The following NUP153 variants were observed in gnomAD, a reference collection of about 807,000 sequenced individuals.
NUP153 encodes the protein nucleoporin 153.
Under a neutral mutation model 134.6 loss-of-function variants are expected in NUP153, and 27 were observed. That is an observed-to-expected ratio of 0.20 (90% CI 0.15 to 0.28). NUP153 has a LOEUF of 0.28. NUP153 is among the 10% of genes least tolerant of loss of function. The pLI, the probability that NUP153 is intolerant of heterozygous loss-of-function variation, is 1.00. For synonymous variants in NUP153, 640 were observed against 623.5 expected (o/e 1.03, Z -0.40); for missense variants, 1,821 against 1,731.3 (o/e 1.05, Z -0.92).
At position 17,693,182 on chromosome 6, in the gene NUP153, C is replaced by T. The variant is rs1769385996; in HGVS notation, c.112-4564G>A. Among the ~76,000 whole-genome samples the T allele has an allele frequency of 8.8e-5, 3 of 34,014 alleles. No homozygotes were observed. The Admixed American group carries it at 1.4e-3, about 16-fold the overall frequency. 22.3% of individuals were successfully genotyped at this position (34,014 alleles called of 152,430 possible). Reference sequence around the variant, plus strand: ...ACTTTTCTTAAAATTTAGCTTTTTCCTACACACACACACACACACACACAC... The same window carrying T: ...ACTTTTCTTAAAATTTAGCTTTTTCTTACACACACACACACACACACACAC... On this transcript the variant is annotated intron_variant, in intron 1 of 21. Coordinates refer to ENST00000262077, the MANE Select transcript of NUP153 (RefSeq NM_005124.4).
chr6:17,635,178 C>T (rs1295612288), intron 16 of NUP153, among the ~76,000 whole-genome samples: 2 of 139,960 alleles, frequency 1.4e-5, no homozygotes, highest in Admixed American at 8.0e-5. Context: ...GGCATGATCT[C>T]GGCTCACTGC....
chr6:17,654,559 A>T (rs181298687), intron 11 of NUP153, among the ~76,000 whole-genome samples: 1 of 152,042 alleles, frequency 6.6e-6, no homozygotes, highest in African/African-American at 2.4e-5. Flanking sequence ...TGACCTCGTG[A>T]TCCGCCCACC....
intron 17 of NUP153, among the ~76,000 whole-genome samples, chr6:17,630,855 C>T (rs927665189): frequency 6.6e-6 from 1 of 151,842 alleles, no homozygotes; most frequent in Non-Finnish European, 1.5e-5. Context: ...CTGACAAGAT[C>T]AAAGTCTTGG....
At chr6:17,637,010 A>AT in intron 16 of NUP153, 143 bp downstream of exon 16, 1 of 811,334 alleles carries the variant, frequency 1.2e-6, no homozygotes. Context: ...CAAACAAGAC[A>AT]TTTTTACCTC....
rs879588363 is a variant in NUP153, at chr6:17,675,828, A to G, written c.335-58T>C. On this transcript the variant is annotated intron_variant, in intron 2 of 21. Coordinates refer to ENST00000262077, the MANE Select transcript of NUP153 (RefSeq NM_005124.4). The surrounding 1 kb of genome is among the most constrained non-coding windows in gnomAD (Gnocchi z 4.4). ...CAACTTAGAGCGATACACTACCACA[A>G]ATGGTTTTTACTTTAAGAAAACACA... The G allele has an allele frequency of 1.3e-6, 2 of 1,533,902 alleles. No individual in the cohort carries two copies. The highest frequency in any genetic ancestry group is 9.0e-7 in the Non-Finnish European group (1 of 1,109,174).
At chr6:17,645,617 T>C (rs1766123797) in intron 14 of NUP153, among the ~76,000 whole-genome samples, 1 of 152,076 alleles carries the variant, frequency 6.6e-6, no homozygotes, top group Non-Finnish European at 1.5e-5. Flanking sequence ...ATGATGCTGA[T>C]TTCTTCGGTT....
chr6:17,654,972 C>T (rs1766726230), intron 11 of NUP153, among the ~76,000 whole-genome samples: 1 of 152,110 alleles, frequency 6.6e-6, no homozygotes, highest in Non-Finnish European at 1.5e-5. Flanking sequence ...TGAGGAGGTA[C>T]ACAAGAGGTT....
chr6:17,667,726 G>GA (rs959474913), intron 8 of NUP153, among the ~76,000 whole-genome samples: 6 of 151,340 alleles, frequency 4.0e-5, no homozygotes, highest in African/African-American at 1.5e-4. Flanking sequence ...AAAAAGAAAA[G>GA]AAAAAAAAGA....
In NUP153 at chr6:17,615,921, A is replaced by C; in HGVS notation, c.*176T>G. Reference sequence around the variant, plus strand: ...GTCTAGCTATTTATTTATTTAAAAAAGGGTGGGTGAGGCAGGGTGGGGCTT... The same window carrying C: ...GTCTAGCTATTTATTTATTTAAAAACGGGTGGGTGAGGCAGGGTGGGGCTT... On this transcript the variant is annotated 3_prime_UTR_variant, in exon 22 of 22. Coordinates refer to ENST00000262077, the MANE Select transcript of NUP153 (RefSeq NM_005124.4). The surrounding 1 kb of genome is among the most constrained non-coding windows in gnomAD (Gnocchi z 5.7). 1 of 508,816 alleles carries C rather than the reference A, an allele frequency of 2.0e-6. No individual in the cohort carries two copies. Among genetic ancestry groups the C allele is most frequent in the Non-Finnish European group, 3.5e-6 (1 of 289,728 alleles). The allele number at this position is 508,816 out of a possible 1,614,324, so 31.5% of individuals were successfully genotyped here.
intron 11 of NUP153, among the ~76,000 whole-genome samples, chr6:17,658,186 C>T (rs1766951184): frequency 6.6e-6 from 1 of 152,180 alleles, no homozygotes; most frequent in South Asian, 2.1e-4. Flanking sequence ...GATCATTTGT[C>T]AGGAGTTCAA....
At chr6:17,658,180 A>G (rs1220136096) in intron 11 of NUP153, among the ~76,000 whole-genome samples, 2 of 152,186 alleles carry the variant, frequency 1.3e-5, no homozygotes, top group Non-Finnish European at 2.9e-5. Context: ...CAGGCAGATC[A>G]TTTGTCAGGA....
chr6:17,668,965 G>T lies in NUP153; in HGVS notation c.1068+10C>A. The T allele has an allele frequency of 6.6e-7, 1 of 1,515,760 alleles. No homozygotes were observed. Among genetic ancestry groups the T allele is most frequent in the Non-Finnish European group, 8.9e-7 (1 of 1,127,376 alleles). 93.9% of individuals were successfully genotyped at this position (1,515,760 alleles called of 1,614,324 possible). The stretch of plus-strand genomic sequence containing the variant: ...ACAGTTTAAATAACTAAATGCTAAA[G>T]AAGTTTTACCTTTTCTCTTTTGGCC... On this transcript the variant is annotated intron_variant, in intron 8 of 21. Coordinates refer to ENST00000262077, the MANE Select transcript of NUP153 (RefSeq NM_005124.4).
intron 11 of NUP153, among the ~76,000 whole-genome samples, chr6:17,654,803 T>C (rs2113806632): frequency 6.6e-6 from 1 of 152,340 alleles, no homozygotes; most frequent in African/African-American, 2.4e-5. Flanking sequence ...GTAATATCCT[T>C]ACATGGGTTA....
chr6:17,643,365 G>A (rs1274006690), intron 14 of NUP153, among the ~76,000 whole-genome samples: 7 of 152,036 alleles, frequency 4.6e-5, no homozygotes, highest in African/African-American at 7.2e-5. Flanking sequence ...ACAGCTACTC[G>A]GGAGGCTGAG....
At position 17,675,322 on chromosome 6, in the gene NUP153, T is replaced by C. The variant is rs61748704; in HGVS notation, c.630A>G (p.Pro210=). 0.022 allele frequency: 35,466 copies of C among 1,614,070 alleles called. 460 individuals carry two copies. Among genetic ancestry groups the C allele is most frequent in the Middle Eastern group, 0.05 (306 of 6,062 alleles). ...AGAGTGAGTGAGAACGTTCAGCTTC[T>C]GGGGACCACAGAGGTGGCAATGAAG... ...KNTSLPPLWS[P]EAERSHSLSQ... Residue 210 remains proline, a synonymous_variant, in exon 4 of 22, where the codon CCA becomes CCG. Transcript: ENST00000262077. The surrounding 1 kb of genome is among the most constrained non-coding windows in gnomAD (Gnocchi z 4.4).
chr6:17,675,143 ACT>A lies in NUP153; in HGVS notation c.723+84_723+85del, dbSNP rs1181001800. ...ACTCAAGCCTGGGCAACAGCAAAAGACTCTTGTCTCAGAAAAAAAAAAAAAAA... is the reference window on the plus strand; with the variant it reads ...ACTCAAGCCTGGGCAACAGCAAAAGACTTGTCTCAGAAAAAAAAAAAAAAA... On this transcript the variant is annotated intron_variant, in intron 4 of 21. Coordinates refer to ENST00000262077, the MANE Select transcript of NUP153 (RefSeq NM_005124.4). The surrounding 1 kb of genome is among the most constrained non-coding windows in gnomAD (Gnocchi z 4.4). 3.9e-6 allele frequency: 6 copies of A among 1,542,138 alleles called. No homozygotes were observed.
chr6:17,641,942 C>G (rs1476140245), intron 14 of NUP153, among the ~76,000 whole-genome samples: 1 of 152,130 alleles, frequency 6.6e-6, no homozygotes, highest in South Asian at 2.1e-4. Flanking sequence ...GTCTACAATT[C>G]TACTTCTGAG....
intron 20 of NUP153, among the ~76,000 whole-genome samples, chr6:17,621,585 G>C (rs1386964528): frequency 1.3e-5 from 2 of 152,222 alleles, no homozygotes; most frequent in Non-Finnish European, 2.9e-5. Flanking sequence ...TATGTTAGGT[G>C]AAATAAGCCA....
At chr6:17,634,951 C>G (rs1409222330) in intron 16 of NUP153, among the ~76,000 whole-genome samples, 6 of 147,000 alleles carry the variant, frequency 4.1e-5, no homozygotes, top group Admixed American at 2.8e-4. Flanking sequence ...CTAGCAACAG[C>G]TGATGAGCTT....
Sources: gnomAD v4.1 joint callset for allele counts (sites outside exome capture counted in the v4.1 genomes callset) on GRCh38, gnomAD v4.1.1 for gene constraint, Gnocchi (gnomAD v3.1) non-coding constraint, MANE v1.5 for transcripts, NCBI Gene and HGNC (gene_info 2026-07-23, HGNC 2026-07-21) for gene names.